PCDHGA2: variants seen among roughly 807,000 people sequenced by gnomAD.
The protein encoded by PCDHGA2 is protocadherin gamma subfamily A, 2, also known as protocadherin gamma-A2.
A neutral mutation model predicts 59.2 loss-of-function variants in PCDHGA2; 40 were observed. The observed-to-expected ratio is 0.68, with a 90% CI of 0.52 to 0.88. The LOEUF (loss-of-function observed/expected upper bound fraction) is 0.88, where lower values mean the gene tolerates loss of function less well. Among genes scored for constraint, PCDHGA2 ranks in the 40% least tolerant of loss-of-function variants. PCDHGA2 has a pLI of 0.00. For missense variants in PCDHGA2, 1,226 were observed against 1,204.0 expected (o/e 1.02, Z -0.27); for synonymous variants, 560 against 526.0 (o/e 1.06, Z -0.89).
intron 1 of PCDHGA2, chr5:141,365,363 C>G (rs1305690731): frequency 1.2e-6 from 2 of 1,613,900 alleles, no homozygotes; most frequent in Middle Eastern, 1.6e-4. Flanking sequence ...TGACAATGCC[C>G]CCGAAGTGAT....
At chr5:141,472,109 A>G (rs1353132107) in intron 1 of PCDHGA2, among the ~76,000 whole-genome samples, 2 of 152,234 alleles carry the variant, frequency 1.3e-5, no homozygotes, top group Non-Finnish European at 2.9e-5. Flanking sequence ...TTTTATACAT[A>G]AAGAAAATAA....
At chr5:141,404,238 C>T (rs764561008) in intron 1 of PCDHGA2, 3 of 1,613,712 alleles carry the variant, frequency 1.9e-6, no homozygotes, top group Non-Finnish European at 2.5e-6. Context: ...GACAGAGGAA[C>T]TCCGCCCCTG....
rs1338193610 is a variant in PCDHGA2 at position 141,344,111 on chromosome 5, A to C, written c.2424+2716A>C. 5 of 1,613,902 alleles carry C rather than the reference A, an allele frequency of 3.1e-6. No homozygotes were observed. The African/African-American group carries it at 5.3e-5, about 17-fold the overall frequency. ...CGCTCCTGGGGACGCTGTGCGAAAC[A>C]GGATCCGGTCAGATCCGCTACTCGG... On this transcript the variant is annotated intron_variant, in intron 1 of 3. Coordinates refer to ENST00000394576, the MANE Select transcript of PCDHGA2 (RefSeq NM_018915.4).
At chr5:141,370,954 A>G (rs1326457567) in intron 1 of PCDHGA2, 2 of 1,613,992 alleles carry the variant, frequency 1.2e-6, no homozygotes, top group Non-Finnish European at 1.7e-6. Context: ...GAGAACCTGG[A>G]TGGCAGTAGG....
At position 141,346,355 on chromosome 5, in the gene PCDHGA2, C is replaced by T. The variant is rs754690166; in HGVS notation, c.2424+4960C>T. 4.3e-6 allele frequency: 7 copies of T among 1,614,258 alleles called. No individual in the cohort carries two copies. In the South Asian group the frequency reaches 6.6e-5, roughly 15 times the overall value. The stretch of plus-strand genomic sequence containing the variant: ...GCCACCTGATTTTCCCCCAGCCCAA[C>T]TATGCGGACACGCTCATCAGCCAGG... On this transcript the variant is annotated intron_variant, in intron 1 of 3. Transcript: ENST00000394576.
Position 141,345,050 on chromosome 5 carries a change from T to C in PCDHGA2, c.2424+3655T>C, listed in dbSNP as rs759945231. The C allele has an allele frequency of 3.1e-6, 5 of 1,613,958 alleles. No homozygotes were observed. The South Asian group carries it at 4.4e-5, about 14-fold the overall frequency. ...CCAAGATTCTAGTCACGGTTCTGGA[T>C]GTGAATGACAATGCTCCAGAAATTA... is the stretch of plus-strand genomic sequence containing the variant. On this transcript the variant is annotated intron_variant, in intron 1 of 3. Transcript: ENST00000394576.
rs191053275 is a variant in PCDHGA2, at chr5:141,384,800, A to T, written c.2424+43405A>T. 1,106 of 1,613,428 alleles carry T rather than the reference A, an allele frequency of 6.9e-4. 2 individuals are homozygous for T. In the Middle Eastern group the frequency reaches 0.018, roughly 27 times the overall value. ...GTGCGCACGGCTCGGGCCCTGCTGGACAGAGATGCCCTCAAGCAGAGCCTC... is the reference window on the plus strand; with the variant it reads ...GTGCGCACGGCTCGGGCCCTGCTGGTCAGAGATGCCCTCAAGCAGAGCCTC... On this transcript the variant is annotated intron_variant, in intron 1 of 3. Transcript: ENST00000394576.
chr5:141,498,103 G>C (rs2099781622), intron 2 of PCDHGA2, among the ~76,000 whole-genome samples: 1 of 152,216 alleles, frequency 6.6e-6, no homozygotes. Context: ...GGTGGTGTGG[G>C]CGTATAATAG....
rs1463716042 is a variant in PCDHGA2 at position 141,511,338 on chromosome 5, T to C, written c.*165T>C. 42 of 1,429,834 alleles carry C rather than the reference T, an allele frequency of 2.9e-5. No homozygotes were observed. The highest frequency in any genetic ancestry group is 3.9e-5 in the Non-Finnish European group (42 of 1,075,502). 88.6% of individuals were successfully genotyped at this position (1,429,834 alleles called of 1,614,324 possible). A position where few individuals can be genotyped will look rare whatever the true frequency, so the allele number is the denominator to read the frequency against. On this transcript the variant is annotated 3_prime_UTR_variant, in exon 4 of 4. Coordinates refer to ENST00000394576, the MANE Select transcript of PCDHGA2 (RefSeq NM_018915.4). ...CAGAAACAAGTGCCCAGTCAGCACC[T>C]ACCCCTTCCCCCCCAGGGGGTTGAA... is the stretch of plus-strand genomic sequence containing the variant.
chr5:141,472,751 G>A (rs1000022316), intron 1 of PCDHGA2, among the ~76,000 whole-genome samples: 5 of 151,850 alleles, frequency 3.3e-5, no homozygotes, highest in East Asian at 3.9e-4. Flanking sequence ...TTTGGGAGGC[G>A]GAGGCTGGCA....
intron 1 of PCDHGA2, chr5:141,375,340 C>T (rs1177631226): frequency 1.2e-6 from 2 of 1,613,836 alleles, no homozygotes; most frequent in African/African-American, 1.3e-5. Context: ...TCTTGTACAA[C>T]ATCACTGTGA....
intron 2 of PCDHGA2, among the ~76,000 whole-genome samples, chr5:141,499,102 C>T (rs1172661012): frequency 1.3e-5 from 2 of 152,170 alleles, no homozygotes; most frequent in Admixed American, 6.5e-5. Context: ...TGCTTCTCCT[C>T]CCCACCACTA....
intron 1 of PCDHGA2, chr5:141,399,115 G>C: frequency 6.2e-7 from 1 of 1,613,814 alleles, no homozygotes; most frequent in Non-Finnish European, 8.5e-7. Context: ...ATGTACAGTT[G>C]AAATTAATAT....
chr5:141,459,232 G>C (rs1293027771), intron 1 of PCDHGA2, among the ~76,000 whole-genome samples: 1 of 152,152 alleles, frequency 6.6e-6, no homozygotes, highest in Non-Finnish European at 1.5e-5. Context: ...GCAACAACTG[G>C]TCTGCTTCCT....
chr5:141,369,045 A>G (rs1239688019), intron 1 of PCDHGA2, among the ~76,000 whole-genome samples: 2 of 152,192 alleles, frequency 1.3e-5, no homozygotes, highest in East Asian at 1.9e-4. Flanking sequence ...TAGAGTAACA[A>G]TACATTATGT....
intron 1 of PCDHGA2, chr5:141,417,913 T>A (rs749352432): frequency 1.2e-6 from 2 of 1,601,944 alleles, no homozygotes; most frequent in African/African-American, 1.3e-5. Flanking sequence ...AGGTACTATT[T>A]CCTTTGCTGC....
In PCDHGA2 at chr5:141,443,329, A is replaced by AC. The variant is rs58846402; in HGVS notation, c.2425-51477dup. 1.9e-4 allele frequency among the ~76,000 whole-genome samples: 29 copies of AC among 151,590 alleles called. No individual in the cohort carries two copies. In the East Asian group the frequency reaches 4.3e-3, roughly 22 times the overall value. ...AAACCCATCTCTACAAAAAAAAAAA[A>AC]CAAAAATTAACAAGGTTTAGTGGTC... On this transcript the variant is annotated intron_variant, in intron 1 of 3. Coordinates refer to ENST00000394576, the MANE Select transcript of PCDHGA2 (RefSeq NM_018915.4).
Position 141,494,815 on chromosome 5 carries a change from G to A in PCDHGA2, c.2433G>A (p.Pro811=), listed in dbSNP as rs765344906. 1 of 1,613,976 alleles carries A rather than the reference G, an allele frequency of 6.2e-7. No homozygotes were observed. Among genetic ancestry groups the A allele is most frequent in the South Asian group, 1.1e-5 (1 of 91,072 alleles). ...EREETFSQQA[P]PNTDWRFSQA... The stretch of plus-strand genomic sequence containing the variant: ...CTCTGTTTTCTCCACAGCAAGCCCC[G>A]CCCAACACGGACTGGCGTTTCTCTC... The change falls in exon 2 of 4, where the codon CCG becomes CCA. Residue 811 remains proline, a synonymous_variant. Transcript: ENST00000394576.
At chr5:141,397,843 C>A (rs1200465582) in intron 1 of PCDHGA2, 7 of 522,606 alleles carry the variant, frequency 1.3e-5, no homozygotes, top group Non-Finnish European at 2.0e-5. Context: ...CTTGAAGCCG[C>A]AGAGGCTGTA....
Sources: allele counts gnomAD v4.1 joint callset (sites outside exome capture counted in the v4.1 genomes callset), GRCh38; gene constraint gnomAD v4.1.1; transcripts MANE v1.5; gene names NCBI Gene and HGNC (gene_info 2026-07-23, HGNC 2026-07-21).